The following IGF2BP3 variants were observed in gnomAD, a reference collection of about 807,000 sequenced individuals.
IGF2BP3 encodes the protein insulin like growth factor 2 mRNA binding protein 3, also known as insulin-like growth factor 2 mRNA-binding protein 3.
Under a neutral mutation model 73.8 loss-of-function variants are expected in IGF2BP3, and 9 were observed. That is an observed-to-expected ratio of 0.12 (90% CI 0.07 to 0.21). The LOEUF (loss-of-function observed/expected upper bound fraction) is 0.21, where lower values mean the gene tolerates loss of function less well. IGF2BP3 is among the 10% of genes least tolerant of loss of function. The pLI is 1.00. For synonymous variants in IGF2BP3, 258 were observed against 256.7 expected, an observed-to-expected ratio of 1.01 and a Z score of -0.05; for missense variants, 542 against 714.0, an observed-to-expected ratio of 0.76 and a Z score of 2.75.
chr7:23,343,808 A>G lies in IGF2BP3; in HGVS notation c.987T>C (p.Val329=). 6.2e-7 allele frequency: 1 copy of G among 1,612,916 alleles called. No individual in the cohort carries two copies. Among genetic ancestry groups the G allele is most frequent in the Non-Finnish European group, 8.5e-7 (1 of 1,179,462 alleles). The change falls in exon 9 of 15, where the codon GTT becomes GTC. Residue 329 remains valine (V), a synonymous_variant. Coordinates refer to ENST00000258729, the MANE Select transcript of IGF2BP3 (RefSeq NM_006547.3). ...TLYNPERTIT[V]KGNVETCAKA... is the part of the protein sequence containing the mutation. ...TGGCACATGTCTCAACATTGCCTTT[A>G]ACTGTAATAGTGCGTTCTGGATTAT...
At chr7:23,351,778 A>G (rs962401075) in intron 5 of IGF2BP3, among the ~76,000 whole-genome samples, 192 bp from the exon 6 acceptor site, 5 of 152,030 alleles carry the variant, frequency 3.3e-5, no homozygotes, top group Admixed American at 6.6e-5. Flanking sequence ...CCACCCACAC[A>G]CATTTTCCTT....
At chr7:23,330,675 C>G (rs938139886) in intron 10 of IGF2BP3, among the ~76,000 whole-genome samples, 1 of 152,180 alleles carries the variant, frequency 6.6e-6, no homozygotes, top group South Asian at 2.1e-4. Context: ...AACTCCTGAC[C>G]TCAGGTGATC....
At chr7:23,365,492 T>C (rs1456906650) in intron 3 of IGF2BP3, 1 of 152,162 alleles carries the variant, frequency 6.6e-6, no homozygotes, top group Admixed American at 6.5e-5. Flanking sequence ...CTTCAAAAGC[T>C]ACAGTGCCAA....
chr7:23,312,122 C>G lies in IGF2BP3; in HGVS notation c.*240G>C, dbSNP rs1057462383. On this transcript the variant is annotated 3_prime_UTR_variant, in exon 15 of 15. Coordinates refer to ENST00000258729, the MANE Select transcript of IGF2BP3 (RefSeq NM_006547.3). ...GAGCTCTTCTCTTTCCCTCCCTCCC[C>G]CACCCTTTTTTTGTTTGTTTGTTTG... The G allele has an allele frequency of 1.6e-5, 7 of 440,420 alleles. No homozygotes were observed. Among genetic ancestry groups the G allele is most frequent in the Non-Finnish European group, 2.4e-5 (6 of 247,134 alleles). The allele number at this position is 440,420 out of a possible 1,614,324, so 27.3% of individuals were successfully genotyped here. A position where few individuals can be genotyped will look rare whatever the true frequency, so the allele number is the denominator to read the frequency against.
chr7:23,428,729 G>GA (rs1191413300), intron 2 of IGF2BP3, among the ~76,000 whole-genome samples: 66 of 143,840 alleles, frequency 4.6e-4, no homozygotes, highest in Non-Finnish European at 7.7e-4. Flanking sequence ...TTTTTTAGGG[G>GA]GAAAAAAAAA....
At chr7:23,456,754 A>G (rs1313982084) in intron 2 of IGF2BP3, among the ~76,000 whole-genome samples, 3 of 152,198 alleles carry the variant, frequency 2.0e-5, no homozygotes, top group Non-Finnish European at 4.4e-5. Context: ...TCAACATAAG[A>G]AATTTAGTTT....
chr7:23,332,149 G>A (rs562883517), intron 10 of IGF2BP3, among the ~76,000 whole-genome samples: 3 of 152,202 alleles, frequency 2.0e-5, no homozygotes, highest in Non-Finnish European at 2.9e-5. Flanking sequence ...TTTGGGTGGG[G>A]ACACAGCCAA....
chr7:23,321,741 G>A (rs551253687), intron 10 of IGF2BP3, among the ~76,000 whole-genome samples: 5 of 152,344 alleles, frequency 3.3e-5, no homozygotes, highest in South Asian at 2.1e-4. Context: ...CGGGCAGACT[G>A]CCTCCTCAAG....
Position 23,345,949 on chromosome 7 carries a change from G to T in IGF2BP3, c.932C>A (p.Thr311Lys). Residue 311 changes from threonine to lysine, a missense_variant, in exon 8 of 15, where the codon ACG becomes AAG. By Grantham distance (78) the Thr-to-Lys change is moderately conservative. Coordinates refer to ENST00000258729, the MANE Select transcript of IGF2BP3 (RefSeq NM_006547.3). ...KIEQDTDTKI[T>K]ISPLQELTLY... ...GCAAAGGAGCACTCACGGAGATATC[G>T]TGATTTTAGTGTCTGTGTCTTGCTC... The T allele has an allele frequency of 6.2e-7, 1 of 1,612,312 alleles. No individual in the cohort carries two copies. The highest frequency in any genetic ancestry group is 1.3e-5 in the African/African-American group (1 of 75,012).
At chr7:23,342,008 A>T in intron 10 of IGF2BP3, 56 bp downstream of exon 10, 2 of 1,480,782 alleles carry the variant, frequency 1.4e-6, no homozygotes, top group Middle Eastern at 2.5e-4. Flanking sequence ...CGCGGGGACT[A>T]GGTTTACATT....
At chr7:23,380,086 G>A (rs146704710) in intron 3 of IGF2BP3, among the ~76,000 whole-genome samples, 4 of 151,402 alleles carry the variant, frequency 2.6e-5, no homozygotes, top group Non-Finnish European at 4.4e-5. Flanking sequence ...ATGTTCAGCC[G>A]TGAATACAAA....
At chr7:23,453,172 G>T (rs1335451376) in intron 2 of IGF2BP3, among the ~76,000 whole-genome samples, 1 of 152,202 alleles carries the variant, frequency 6.6e-6, no homozygotes, top group Admixed American at 6.5e-5. Context: ...GGTTCTTGCT[G>T]TGTTACCCAG....
intron 2 of IGF2BP3, among the ~76,000 whole-genome samples, chr7:23,448,363 G>A (rs994794158): frequency 3.3e-5 from 5 of 152,124 alleles, no homozygotes; most frequent in Non-Finnish European, 1.5e-5. Context: ...CTCCTCATGT[G>A]TACTTGTTTT....
chr7:23,377,125 TAAAAAG>T (rs933083944), intron 3 of IGF2BP3, among the ~76,000 whole-genome samples: 5 of 151,558 alleles, frequency 3.3e-5, no homozygotes, highest in African/African-American at 1.2e-4. Flanking sequence ...AAAACTGTGC[TAAAAAG>T]AAAAGAACAA....
intron 3 of IGF2BP3, among the ~76,000 whole-genome samples, chr7:23,364,840 G>C (rs755076297): frequency 6.6e-6 from 1 of 151,838 alleles, no homozygotes; most frequent in African/African-American, 2.4e-5. Context: ...CAGGGACTAG[G>C]AGGTAGTTGA....
rs370740487 is a variant in IGF2BP3 at position 23,398,843 on chromosome 7, C to T, written c.285+19933G>A. 6.3e-3 allele frequency among the ~76,000 whole-genome samples: 957 copies of T among 152,270 alleles called. 22 individuals carry two copies. The East Asian group carries it at 0.079, about 12-fold the overall frequency. Reference sequence around the variant, plus strand: ...CAGATGAGTAGGTTGCAAAAATTTTCTCCCATTTTGTAGGTTGCCTGTTCA... The same window carrying T: ...CAGATGAGTAGGTTGCAAAAATTTTTTCCCATTTTGTAGGTTGCCTGTTCA... On this transcript the variant is annotated intron_variant, in intron 3 of 14. Coordinates refer to ENST00000258729, the MANE Select transcript of IGF2BP3 (RefSeq NM_006547.3).
At chr7:23,386,865 G>C (rs1247034868) in intron 3 of IGF2BP3, among the ~76,000 whole-genome samples, 1 of 152,050 alleles carries the variant, frequency 6.6e-6, no homozygotes, top group African/African-American at 2.4e-5. Flanking sequence ...TCAGGAGTTC[G>C]AGACCAGCCT....
intron 2 of IGF2BP3, among the ~76,000 whole-genome samples, chr7:23,436,085 C>T (rs969949268): frequency 3.3e-5 from 5 of 151,978 alleles, no homozygotes; most frequent in African/African-American, 1.2e-4. Flanking sequence ...AAATAAATTT[C>T]AAAGTGAAAA....
rs757834603 is a variant in IGF2BP3 at position 23,312,897 on chromosome 7, A to G, written c.1528-49T>C. 5.2e-6 allele frequency: 6 copies of G among 1,163,202 alleles called. No homozygotes were observed. In the Admixed American group the frequency reaches 1.2e-4, roughly 23 times the overall value. 72.1% of individuals were successfully genotyped at this position (1,163,202 alleles called of 1,614,324 possible). A position where few individuals can be genotyped will look rare whatever the true frequency, so the allele number is the denominator to read the frequency against. The stretch of plus-strand genomic sequence containing the variant: ...CATTAAGTGGCAGTTTTAAAACCTT[A>G]CTTCCTAAGCACTTACTGTGCGCCA... On this transcript the variant is annotated intron_variant, in intron 13 of 14. Transcript: ENST00000258729.
Sources: allele counts gnomAD v4.1 joint callset (sites outside exome capture counted in the v4.1 genomes callset), GRCh38; gene constraint gnomAD v4.1.1; transcripts MANE v1.5; gene names NCBI Gene and HGNC (gene_info 2026-07-23, HGNC 2026-07-21).